Variants in CEP72 observed in about 807,000 individuals in gnomAD.
The protein encoded by CEP72 is centrosomal protein of 72 kDa.
A neutral mutation model predicts 65.7 loss-of-function variants in CEP72; 78 were observed. The observed-to-expected ratio is 1.19, with a 90% confidence interval of 0.99 to 1.43. The LOEUF (loss-of-function observed/expected upper bound fraction) is 1.43. Among genes scored for constraint, CEP72 ranks in the 40% most tolerant of loss-of-function variants. The probability of loss-of-function intolerance (pLI) is 0.00; values close to 1 mark genes in which losing one functional copy is unlikely to be tolerated. For synonymous variants in CEP72, 358 were observed against 351.7 expected (o/e 1.02, Z -0.20); for missense variants, 914 against 832.9 (o/e 1.10, Z -1.20).
Position 633,841 on chromosome 5 carries a change from G to A in CEP72, c.585G>A (p.Glu195=). ...GCCTGGTCATGGATGCGGATGACGA[G>A]GCAGTCCTGAACCTCATTGCAGAGT... ...KQSLVMDADD[E]AVLNLIAECE... The change falls in exon 5 of 12, where the codon GAG becomes GAA. Residue 195 remains glutamate, a synonymous_variant. Coordinates refer to ENST00000264935, the MANE Select transcript of CEP72 (RefSeq NM_018140.4). 2 of 1,614,032 alleles carry A rather than the reference G, an allele frequency of 1.2e-6. No homozygotes were observed. Among genetic ancestry groups the A allele is most frequent in the Non-Finnish European group, 1.7e-6 (2 of 1,180,048 alleles).
At position 637,739 on chromosome 5, in the gene CEP72, G is replaced by A. The variant is rs940552272; in HGVS notation, c.1127G>A (p.Arg376Lys). The A allele has an allele frequency of 6.2e-7, 1 of 1,612,980 alleles. No individual in the cohort carries two copies. The highest frequency in any genetic ancestry group is 8.5e-7 in the Non-Finnish European group (1 of 1,179,732). ...AGCAGACAGGACAGCTCAGAAAGCA[G>A]GAACGGGAGGACCTTGTCTCAGCCT... is the stretch of plus-strand genomic sequence containing the variant. The part of the protein sequence containing the change: ...SLSRQDSSES[R>K]NGRTLSQPEA... The change falls in exon 7 of 12, where the codon AGG becomes AAG. Residue 376 changes from arginine (R) to lysine (K), a missense_variant. Coordinates refer to ENST00000264935, the MANE Select transcript of CEP72 (RefSeq NM_018140.4).
At chr5:664,768 C>T (rs1258278388) in intron 2 of CEP72, 3 of 268,100 alleles carry the variant, frequency 1.1e-5, no homozygotes, top group Admixed American at 5.0e-5. Flanking sequence ...CTCCTGTTGC[C>T]ATGACAGCCA....
downstream of CEP72, among the ~76,000 whole-genome samples, chr5:671,605 C>T (rs1204155727): frequency 6.6e-6 from 1 of 152,238 alleles, no homozygotes; most frequent in African/African-American, 2.4e-5. Flanking sequence ...CTGGGGATTG[C>T]TGGTGCTGCC....
In CEP72 at chr5:623,014, G is replaced by A. The variant is rs191884778; in HGVS notation, c.404-1457G>A. ...CTTAGTGTTTCTGCAGAGAAGGAGCGCAGCCGTCTCCCCTCTTAGTGTTTC... is the reference window on the plus strand; with the variant it reads ...CTTAGTGTTTCTGCAGAGAAGGAGCACAGCCGTCTCCCCTCTTAGTGTTTC... On this transcript the variant is annotated intron_variant, in intron 3 of 11. Transcript: ENST00000264935. This position sits in a 1 kb window ranked among gnomAD's most constrained non-coding sequence, Gnocchi z 5.3. 5.9e-5 allele frequency among the ~76,000 whole-genome samples: 9 copies of A among 152,228 alleles called. No homozygotes were observed. The highest frequency in any genetic ancestry group is 9.6e-5 in the African/African-American group (4 of 41,524).
downstream of CEP72, among the ~76,000 whole-genome samples, chr5:653,852 T>C (rs78916486): frequency 5.7e-4 from 87 of 152,398 alleles, no homozygotes; most frequent in African/African-American, 1.9e-3. Context: ...TCATATCTTA[T>C]GTCATACTTG....
At chr5:636,580 G>A (rs1215113062) in intron 6 of CEP72, among the ~76,000 whole-genome samples, 1 of 152,182 alleles carries the variant, frequency 6.6e-6, no homozygotes, top group Non-Finnish European at 1.5e-5. Context: ...GGAGGCCGAG[G>A]CAGGCGGATC....
At chr5:628,515 C>G (rs112803774) in intron 4 of CEP72, among the ~76,000 whole-genome samples, 1,420 of 128,382 alleles carry the variant, frequency 0.011, 3 homozygotes, top group African/African-American at 0.048. Context: ...AGGACCCAGC[C>G]CCCTTCTTTG....
chr5:642,431 G>A (rs1378396095), intron 9 of CEP72: 101 of 985,358 alleles, frequency 1.0e-4, no homozygotes, highest in Non-Finnish European at 1.2e-4. Context: ...GTGACCGGCT[G>A]TCTGGAAAGT....
chr5:628,506 G>C lies in CEP72; in HGVS notation c.512+3927G>C, dbSNP rs369902143. Among the ~76,000 whole-genome samples, 88 of 146,586 alleles carry C rather than the reference G, an allele frequency of 6.0e-4. 1 individual carries two copies. Among genetic ancestry groups the C allele is most frequent in the African/African-American group, 2.0e-3 (76 of 38,650 alleles). ...TTGCCGTCCCTGGGGAGTGTTCCCA[G>C]GACCCAGCCCCCTTCTTTGTGCAGC... On this transcript the variant is annotated intron_variant, in intron 4 of 11. Transcript: ENST00000264935.
In CEP72 at chr5:620,124, C is replaced by A. The variant is rs778776739; in HGVS notation, c.266C>A (p.Ser89Tyr). 2 of 1,614,216 alleles carry A rather than the reference C, an allele frequency of 1.2e-6. No homozygotes were observed. The highest frequency in any genetic ancestry group is 2.2e-5 in the South Asian group (2 of 91,090). Residue 89 changes from serine to tyrosine, a missense_variant, in exon 3 of 12, where the codon TCC becomes TAC. Coordinates refer to ENST00000264935, the MANE Select transcript of CEP72 (RefSeq NM_018140.4). ...CTCAATCTCTACTACAACTGCATCT[C>A]CTCGTTGGCAGAAGTGTTTCGGCTC... ...ESLNLYYNCI[S>Y]SLAEVFRLHA...
intron 4 of CEP72, among the ~76,000 whole-genome samples, chr5:631,895 T>G (rs868639643): frequency 2.3e-5 from 1 of 42,714 alleles, no homozygotes; most frequent in Non-Finnish European, 4.8e-5. Flanking sequence ...CTGGTGGGGT[T>G]CTGTCCAGTG....
At chr5:617,977 A>G (rs2455340) in intron 1 of CEP72, among the ~76,000 whole-genome samples, 95,603 of 151,352 alleles carry the variant, frequency 0.63, 30,343 homozygotes, top group Non-Finnish European at 0.66. Flanking sequence ...TCATCTTGTA[A>G]TTAATGTTGA....
chr5:648,151 C>A (rs1018932329), intron 11 of CEP72, among the ~76,000 whole-genome samples: 27 of 152,324 alleles, frequency 1.8e-4, no homozygotes, highest in African/African-American at 5.5e-4. Context: ...GAAGTGTGAC[C>A]CATGAGGTGT....
the CEP72 span, among the ~76,000 whole-genome samples, chr5:675,505 G>GGCA: frequency 1.2e-5 from 1 of 81,744 alleles, no homozygotes; most frequent in Non-Finnish European, 2.4e-5. Context: ...GGCCGGGGCT[G>GGCA]CAGTGTGACC....
At chr5:614,942 A>G (rs73734322) in intron 1 of CEP72, among the ~76,000 whole-genome samples, 3,986 of 152,032 alleles carry the variant, frequency 0.026, 68 homozygotes, top group African/African-American at 0.041. Context: ...GTTCTTCTGT[A>G]TCCTTGCTGA....
Position 647,914 on chromosome 5 carries a change from C to T in CEP72, c.1776C>T (p.His592=). Residue 592 remains histidine (H), a splice_region_variant and synonymous_variant, in exon 11 of 12, where the codon CAC becomes CAT. Coordinates refer to ENST00000264935, the MANE Select transcript of CEP72 (RefSeq NM_018140.4). The part of the protein sequence containing the change: ...QELTQMLQES[H]SSLVSTNEHL... Reference sequence around the variant, plus strand: ...TCACGCAGATGCTGCAGGAGAGCCACAGGTGCCTGCCCGTGAGACTTGGGT... The same window carrying T: ...TCACGCAGATGCTGCAGGAGAGCCATAGGTGCCTGCCCGTGAGACTTGGGT... 1.9e-6 allele frequency: 3 copies of T among 1,607,916 alleles called. No individual in the cohort carries two copies. The highest frequency in any genetic ancestry group is 1.7e-6 in the Non-Finnish European group (2 of 1,177,028).
chr5:658,494 C>T (rs1347273821), downstream of CEP72, among the ~76,000 whole-genome samples: 1 of 152,160 alleles, frequency 6.6e-6, no homozygotes, highest in Non-Finnish European at 1.5e-5. Context: ...TCAGTCCTTT[C>T]AAAGAAACAC....
chr5:634,884 GTTTAT>G (rs1157809050), intron 5 of CEP72, among the ~76,000 whole-genome samples: 1 of 152,174 alleles, frequency 6.6e-6, no homozygotes, highest in African/African-American at 2.4e-5. Context: ...GAAGGGCACA[GTTTAT>G]TTTGTTTTTT....
intron 1 of CEP72, among the ~76,000 whole-genome samples, chr5:617,016 G>A (rs1377596720): frequency 6.6e-6 from 1 of 152,032 alleles, no homozygotes; most frequent in East Asian, 1.9e-4. Context: ...TTGCAGGAGG[G>A]CTGATGATGT....
Sources: gnomAD v4.1 joint callset for allele counts (sites outside exome capture counted in the v4.1 genomes callset) on GRCh38, gnomAD v4.1.1 for gene constraint, Gnocchi (gnomAD v3.1) non-coding constraint, MANE v1.5 for transcripts, NCBI Gene and HGNC (gene_info 2026-07-23, HGNC 2026-07-21) for gene names.